Variants in PDPR observed in about 807,000 individuals in gnomAD.
PDPR encodes the protein pyruvate dehydrogenase phosphatase regulatory subunit, mitochondrial.
Under a neutral mutation model 102.2 loss-of-function variants are expected in PDPR, and 50 were observed. That is an observed-to-expected ratio of 0.49 (90% confidence interval 0.39 to 0.62). The LOEUF is 0.62. Among genes scored for constraint, PDPR ranks in the 20% least tolerant of loss-of-function variants. The probability of loss-of-function intolerance (pLI) is 0.00; values close to 1 mark genes in which losing one functional copy is unlikely to be tolerated. For synonymous variants in PDPR, 259 were observed against 406.0 expected, an observed-to-expected ratio of 0.64 and a Z score of 4.35; for missense variants, 625 against 1,098.2, an observed-to-expected ratio of 0.57 and a Z score of 6.09.
chr16:70,119,245 G>C (rs1451414252), intron 2 of PDPR, among the ~76,000 whole-genome samples: 2 of 152,034 alleles, frequency 1.3e-5, no homozygotes, highest in Non-Finnish European at 2.9e-5. Context: ...AGGATCACTT[G>C]AGCCTAGGAA....
chr16:70,123,276 A>G (rs1026644256), intron 3 of PDPR, among the ~76,000 whole-genome samples: 5 of 152,244 alleles, frequency 3.3e-5, no homozygotes, highest in Non-Finnish European at 5.9e-5. Context: ...TCACGCTGTC[A>G]CTCAGGCTGG....
chr16:70,134,532 C>T (rs938996627), intron 9 of PDPR, among the ~76,000 whole-genome samples: 1 of 149,906 alleles, frequency 6.7e-6, no homozygotes, highest in African/African-American at 2.4e-5. Context: ...GCCTTTAAGG[C>T]CTGTAATCCC....
At chr16:70,131,498 G>A in intron 8 of PDPR, 79 bp downstream of exon 8, 1 of 1,368,196 alleles carries the variant, frequency 7.3e-7, no homozygotes, top group Admixed American at 2.0e-5. Context: ...TTTCTGCTAA[G>A]GACAGCCTGT....
intron 3 of PDPR, among the ~76,000 whole-genome samples, chr16:70,125,795 G>A (rs373849619): frequency 6.6e-5 from 10 of 152,250 alleles, no homozygotes; most frequent in East Asian, 1.9e-4. Context: ...CACCATGCCC[G>A]GCTGATTTTT....
At position 70,153,577 on chromosome 16, in the gene PDPR, C is replaced by G. The variant is rs749680606; in HGVS notation, c.2235+4C>G. The G allele has an allele frequency of 1.4e-5, 22 of 1,595,414 alleles. No homozygotes were observed. Among genetic ancestry groups the G allele is most frequent in the Non-Finnish European group, 1.8e-5 (21 of 1,171,560 alleles). On this transcript the variant is annotated splice_donor_region_variant and intron_variant, in intron 18 of 18. Transcript: ENST00000288050. ...GTCTCGGGTGAAATTAGAGAAGGTA[C>G]TGTGTTTACCCAGACTCCACTTTCA...
chr16:70,131,620 T>G (rs1186736309), intron 8 of PDPR: 1 of 958,678 alleles, frequency 1.0e-6, no homozygotes, highest in African/African-American at 1.8e-5. Flanking sequence ...TTAATACATT[T>G]TTTTGTTTTT....
intron 2 of PDPR, among the ~76,000 whole-genome samples, chr16:70,119,051 C>T (rs554575400): frequency 1.3e-5 from 2 of 152,242 alleles, no homozygotes; most frequent in South Asian, 4.1e-4. Context: ...CGCCTCTCGT[C>T]TCAAAGTCCT....
In PDPR at chr16:70,160,872, C is replaced by G. The variant is rs968703953; in HGVS notation, c.*3993C>G. 9 of 152,458 alleles carry G rather than the reference C, an allele frequency of 5.9e-5. No homozygotes were observed. The highest frequency in any genetic ancestry group is 2.2e-4 in the African/African-American group (9 of 41,482). 9.4% of individuals were successfully genotyped at this position (152,458 alleles called of 1,614,324 possible). On this transcript the variant is annotated 3_prime_UTR_variant, in exon 19 of 19. Transcript: ENST00000288050. ...CAGGACCCATAGCCTTCATTTCTGGCTCTGTGTCTCCTCTGGCATATGGAC... is the reference window on the plus strand; with the variant it reads ...CAGGACCCATAGCCTTCATTTCTGGGTCTGTGTCTCCTCTGGCATATGGAC...
At chr16:70,126,145 T>G (rs6499296) in intron 3 of PDPR, among the ~76,000 whole-genome samples, 1 of 152,220 alleles carries the variant, frequency 6.6e-6, no homozygotes, top group Non-Finnish European at 1.5e-5. Flanking sequence ...TGTTCCATTT[T>G]GGTACATAAA....
chr16:70,139,592 C>T (rs1238814612), intron 11 of PDPR, among the ~76,000 whole-genome samples: 3 of 152,286 alleles, frequency 2.0e-5, no homozygotes, highest in Non-Finnish European at 4.4e-5. Context: ...CCTGCTCTCA[C>T]TCCCGTGTTC....
At chr16:70,113,776 T>C (rs1962359432), upstream of PDPR, 2 of 145,608 alleles carry the variant, frequency 1.4e-5, no homozygotes, top group South Asian at 2.2e-4. Flanking sequence ...GGAACTCAGG[T>C]CCGTTAGTCC....
intron 3 of PDPR, among the ~76,000 whole-genome samples, chr16:70,123,902 A>C (rs1431699781): frequency 5.9e-5 from 9 of 152,198 alleles, no homozygotes; most frequent in Non-Finnish European, 1.5e-5. Flanking sequence ...AAAAATACAG[A>C]AATTAACTGG....
At chr16:70,133,745 T>C (rs1964802408) in intron 9 of PDPR, among the ~76,000 whole-genome samples, 1 of 151,880 alleles carries the variant, frequency 6.6e-6, no homozygotes, top group South Asian at 2.1e-4. Flanking sequence ...TTTTTTGTTT[T>C]TTTTTGAGAT....
intron 2 of PDPR, among the ~76,000 whole-genome samples, chr16:70,116,081 C>T (rs1214735347): frequency 1.4e-5 from 2 of 147,432 alleles, no homozygotes; most frequent in African/African-American, 2.5e-5. Flanking sequence ...CCTTTTTTGG[C>T]GCCAAGCACC....
At chr16:70,139,868 A>C (rs1018191166) in intron 11 of PDPR, among the ~76,000 whole-genome samples, 1 of 152,272 alleles carries the variant, frequency 6.6e-6, no homozygotes, top group Non-Finnish European at 1.5e-5. Flanking sequence ...GGTTGCAAGT[A>C]AACTGTTAGT....
In PDPR at chr16:70,158,175, G is replaced by C. The variant is rs373845505; in HGVS notation, c.*1296G>C. On this transcript the variant is annotated 3_prime_UTR_variant, in exon 19 of 19. Transcript: ENST00000288050. Reference sequence around the variant, plus strand: ...ATGTGGGTGCCCAGAAGTGCCCTGCGCTTTCAGGCAGTGTCTCTGTTTTCC... The same window carrying C: ...ATGTGGGTGCCCAGAAGTGCCCTGCCCTTTCAGGCAGTGTCTCTGTTTTCC... 1 of 152,484 alleles carries C rather than the reference G, an allele frequency of 6.6e-6. No homozygotes were observed. The highest frequency in any genetic ancestry group is 2.4e-5 in the African/African-American group (1 of 41,468). 9.4% of individuals were successfully genotyped at this position (152,484 alleles called of 1,614,324 possible). A position where few individuals can be genotyped will look rare whatever the true frequency, so the allele number is the denominator to read the frequency against.
intron 9 of PDPR, among the ~76,000 whole-genome samples, chr16:70,134,640 G>T (rs1379214803): frequency 6.6e-6 from 1 of 151,646 alleles, no homozygotes; most frequent in Non-Finnish European, 1.5e-5. Flanking sequence ...ATAAAAATTA[G>T]CTGGATGTGG....
At position 70,142,642 on chromosome 16, in the gene PDPR, G is replaced by C. The variant is rs750780336; in HGVS notation, c.1561G>C (p.Val521Leu). 1.9e-6 allele frequency: 3 copies of C among 1,613,966 alleles called. No homozygotes were observed. The African/African-American group carries it at 4.0e-5, about 22-fold the overall frequency. Residue 521 changes from valine (V) to leucine (L), a missense_variant, in exon 13 of 19, where the codon GTG (valine) becomes CTG (leucine). Around this residue, in one of 11 missense-constraint regions of PDPR, gnomAD observed 28 missense variants for 141.2 expected, o/e 0.20. Coordinates refer to ENST00000288050, the MANE Select transcript of PDPR (RefSeq NM_017990.5). ...TGAAGTCAAGTGCTGTAAGGAAGCTGTGTGTGTCATTGACATGTCCTCTTT... is the reference window on the plus strand; with the variant it reads ...TGAAGTCAAGTGCTGTAAGGAAGCTCTGTGTGTCATTGACATGTCCTCTTT... ...ESEVKCCKEAVCVIDMSSFTK... is the reference protein window; with the variant it reads ...ESEVKCCKEALCVIDMSSFTK...
At chr16:70,133,828 G>A (rs1964814442) in intron 9 of PDPR, among the ~76,000 whole-genome samples, 1 of 152,120 alleles carries the variant, frequency 6.6e-6, no homozygotes, top group African/African-American at 2.4e-5. Context: ...CTGCCTCCCG[G>A]GTTCAAGTGA....
Sources: allele counts gnomAD v4.1 joint callset (sites outside exome capture counted in the v4.1 genomes callset), GRCh38; gene constraint gnomAD v4.1.1; regional missense constraint gnomAD v4.1.1; transcripts MANE v1.5; gene names NCBI Gene and HGNC (gene_info 2026-07-23, HGNC 2026-07-21).